The following CCNT2 variants were observed in gnomAD, a reference collection of about 807,000 sequenced individuals.
CCNT2 encodes cyclin T2.
CCNT2 carries 18 observed loss-of-function variants against 70.0 expected under a neutral mutation model. The observed-to-expected ratio is 0.26, with a 90% CI of 0.18 to 0.38. The LOEUF is 0.38. Ranked by LOEUF, CCNT2 falls within the 10% of genes least tolerant of loss-of-function variation. The probability of loss-of-function intolerance (pLI) is 1.00; values close to 1 mark genes in which losing one functional copy is unlikely to be tolerated. For missense variants in CCNT2, 734 were observed against 890.2 expected (o/e 0.82, Z 2.23); for synonymous variants, 334 against 313.3 (o/e 1.07, Z -0.70).
chr2:134,948,508 A>G (rs1682173770), intron 7 of CCNT2, among the ~76,000 whole-genome samples: 1 of 152,134 alleles, frequency 6.6e-6, no homozygotes, highest in African/African-American at 2.4e-5. Flanking sequence ...CTTGCTCTGT[A>G]TTACCATTGT....
chr2:134,941,253 C>CA (rs1277620809), intron 4 of CCNT2, among the ~76,000 whole-genome samples: 1 of 152,156 alleles, frequency 6.6e-6, no homozygotes, highest in East Asian at 1.9e-4. Flanking sequence ...ACAGTAAGAC[C>CA]AACCCCTCTT....
At chr2:134,936,773 A>G (rs1432001086) in intron 2 of CCNT2, 68 bp from the exon 3 acceptor site, 14 of 1,441,220 alleles carry the variant, frequency 9.7e-6, no homozygotes, top group Non-Finnish European at 1.3e-5. Context: ...AACAGAAAAG[A>G]AAAGAAAATA....
rs1389843025 is a variant in CCNT2 at position 134,954,441 on chromosome 2, T to G, written c.1986T>G (p.Phe662Leu). 1 of 1,614,160 alleles carries G rather than the reference T, an allele frequency of 6.2e-7. No individual in the cohort carries two copies. Among genetic ancestry groups the G allele is most frequent in the South Asian group, 1.1e-5 (1 of 91,084 alleles). ...ATATATCCTCTCACAACTCTGTTTTTAACCATCCCTTACCCCCTCCTCCCC... is the reference window on the plus strand; with the variant it reads ...ATATATCCTCTCACAACTCTGTTTTGAACCATCCCTTACCCCCTCCTCCCC... ...KQYISSHNSV[F>L]NHPLPPPPPV... Residue 662 changes from phenylalanine to leucine, a missense_variant, in exon 9 of 9, where the codon TTT becomes TTG. Transcript: ENST00000264157.
chr2:134,930,720 A>T (rs1680689339), intron 2 of CCNT2, among the ~76,000 whole-genome samples: 2 of 151,492 alleles, frequency 1.3e-5, no homozygotes, highest in South Asian at 4.2e-4. Flanking sequence ...GTGTGAAATG[A>T]TATCCCCTAT....
Position 134,946,092 on chromosome 2 carries a change from T to G in CCNT2, c.494-9T>G, listed in dbSNP as rs2105071311. ...TAGTATTGTCTTCGTTTTTTTTTTT[T>G]TCTTACAGCAAGCAAGGATTTGGCA... On this transcript the variant is annotated splice_polypyrimidine_tract_variant and intron_variant, in intron 5 of 8. Coordinates refer to ENST00000264157, the MANE Select transcript of CCNT2 (RefSeq NM_058241.3). The G allele has an allele frequency of 6.2e-7, 1 of 1,612,522 alleles. No individual in the cohort carries two copies. The highest frequency in any genetic ancestry group is 2.2e-5 in the East Asian group (1 of 44,864).
At chr2:134,926,395 T>G (rs1414583722) in intron 2 of CCNT2, among the ~76,000 whole-genome samples, 1 of 152,196 alleles carries the variant, frequency 6.6e-6, no homozygotes, top group East Asian at 1.9e-4. Context: ...CTCCACATTT[T>G]TAGTTTCTCT....
At position 134,918,859 on chromosome 2, in the gene CCNT2, C is replaced by T. The variant is rs1218047314; in HGVS notation, c.5C>T (p.Ala2Val). The T allele has an allele frequency of 1.9e-6, 3 of 1,612,594 alleles. No individual in the cohort carries two copies. The highest frequency in any genetic ancestry group is 2.5e-6 in the Non-Finnish European group (3 of 1,179,324). Residue 2 changes from alanine to valine, a missense_variant, in exon 1 of 9, where the codon GCG (alanine) becomes GTG (valine). Coordinates refer to ENST00000264157, the MANE Select transcript of CCNT2 (RefSeq NM_058241.3). The stretch of plus-strand genomic sequence containing the variant: ...GCGGGCGGAGGAGGAAGTGTCATGG[C>T]GTCGGGCCGTGGAGCTTCTTCTCGC... M[A>V]SGRGASSRWF...
Position 134,936,876 on chromosome 2 carries a change from A to G in CCNT2, c.276A>G (p.Lys92=), listed in dbSNP as rs756685723. 6.2e-7 allele frequency: 1 copy of G among 1,613,724 alleles called. No homozygotes were observed. The highest frequency in any genetic ancestry group is 1.7e-5 in the Admixed American group (1 of 60,016). ...CTACTGCATTATTTTTGGCTGCAAA[A>G]GTGGAAGAACAGGCTCGAAAACTTG... ...ISSTALFLAA[K]VEEQARKLEH... is the part of the protein sequence containing the mutation. The change falls in exon 3 of 9, where the codon AAA becomes AAG. Residue 92 remains lysine (K), a synonymous_variant. Coordinates refer to ENST00000264157, the MANE Select transcript of CCNT2 (RefSeq NM_058241.3).
intron 7 of CCNT2, among the ~76,000 whole-genome samples, chr2:134,951,327 TTA>T (rs1444878511): frequency 6.6e-6 from 1 of 152,166 alleles, no homozygotes; most frequent in African/African-American, 2.4e-5. Flanking sequence ...ATTATTAATA[TTA>T]TATAATATTC....
intron 2 of CCNT2, among the ~76,000 whole-genome samples, chr2:134,933,532 G>A (rs930639416): frequency 6.6e-6 from 1 of 151,976 alleles, no homozygotes; most frequent in Non-Finnish European, 1.5e-5. Flanking sequence ...TCAAGAAGTA[G>A]GAATGGAAAC....
At chr2:134,935,339 T>TAA (rs1681070257) in intron 2 of CCNT2, among the ~76,000 whole-genome samples, 1 of 152,256 alleles carries the variant, frequency 6.6e-6, no homozygotes, top group Admixed American at 6.5e-5. Context: ...GAAAACTTCT[T>TAA]AAAGTCATTT....
chr2:134,954,992 T>C lies in CCNT2; in HGVS notation c.*344T>C, dbSNP rs1012369517. ...TGATTTGAATACTGTAGCTATTTTTTGTTGCTTGGCTTTTGAATGAGTGTA... is the reference window on the plus strand; with the variant it reads ...TGATTTGAATACTGTAGCTATTTTTCGTTGCTTGGCTTTTGAATGAGTGTA... On this transcript the variant is annotated 3_prime_UTR_variant, in exon 9 of 9. Coordinates refer to ENST00000264157, the MANE Select transcript of CCNT2 (RefSeq NM_058241.3). 3 of 201,556 alleles carry C rather than the reference T, an allele frequency of 1.5e-5. No individual in the cohort carries two copies. The highest frequency in any genetic ancestry group is 3.1e-5 in the Non-Finnish European group (3 of 97,580). 12.5% of individuals were successfully genotyped at this position (201,556 alleles called of 1,614,324 possible).
intron 4 of CCNT2, 124 bp from the exon 5 acceptor site, chr2:134,942,488 G>A (rs1034385314): frequency 2.1e-5 from 10 of 471,386 alleles, no homozygotes; most frequent in Non-Finnish European, 3.7e-5. Context: ...GAGAATGTCA[G>A]TGATGAGAAA....
At chr2:134,944,301 C>T in intron 5 of CCNT2, 2 of 982,226 alleles carry the variant, frequency 2.0e-6, no homozygotes, top group Non-Finnish European at 2.4e-6. Flanking sequence ...GCATTGTAGC[C>T]ATATAATTTG....
chr2:134,927,483 C>G (rs1231008360), intron 2 of CCNT2, among the ~76,000 whole-genome samples: 1 of 152,058 alleles, frequency 6.6e-6, no homozygotes, highest in Non-Finnish European at 1.5e-5. Flanking sequence ...CTGCAAGATC[C>G]AAGGCGCTTT....
Position 134,954,612 on chromosome 2 carries a change from G to A in CCNT2, c.2157G>A (p.Leu719=). 6.2e-7 allele frequency: 1 copy of A among 1,612,560 alleles called. No individual in the cohort carries two copies. The highest frequency in any genetic ancestry group is 8.5e-7 in the Non-Finnish European group (1 of 1,178,704). ...ACTACAAAGACACATTCGACATGCT[G>A]GACTCACTGTTAAGTGCCCAAGGAA... The part of the protein sequence containing the change: ...HMDYKDTFDM[L]DSLLSAQGMN... Residue 719 remains leucine, a synonymous_variant, in exon 9 of 9, where the codon CTG becomes CTA. Transcript: ENST00000264157.
chr2:134,953,059 T>C (rs1456698747), intron 8 of CCNT2, 171 bp from the exon 9 acceptor site: 3 of 529,284 alleles, frequency 5.7e-6, no homozygotes, highest in Non-Finnish European at 6.5e-6. Flanking sequence ...TTATAGCCTT[T>C]TATGCCTCTA....
At chr2:134,940,660 A>T (rs190408710) in intron 4 of CCNT2, among the ~76,000 whole-genome samples, 1 of 152,318 alleles carries the variant, frequency 6.6e-6, no homozygotes, top group East Asian at 1.9e-4. Flanking sequence ...ATGCTGTGTG[A>T]CACCTGTCAT....
chr2:134,944,933 G>A, intron 5 of CCNT2: 3 of 985,196 alleles, frequency 3.0e-6, no homozygotes, highest in Non-Finnish European at 2.4e-6. Flanking sequence ...AGGGGGAGGG[G>A]AAAATAAATT....
Sources: allele counts gnomAD v4.1 joint callset (sites outside exome capture counted in the v4.1 genomes callset), GRCh38; gene constraint gnomAD v4.1.1; transcripts MANE v1.5; gene names NCBI Gene and HGNC (gene_info 2026-07-23, HGNC 2026-07-21).